Variants in N4BP2L1 observed in about 807,000 individuals in gnomAD.
The protein encoded by N4BP2L1 is NEDD4 binding protein 2 like 1.
Under a neutral mutation model 21.2 loss-of-function variants are expected in N4BP2L1, and 12 were observed. That is an observed-to-expected ratio of 0.57 (90% CI 0.36 to 0.92). N4BP2L1 has a LOEUF of 0.92. Among genes scored for constraint, N4BP2L1 ranks in the 40% least tolerant of loss-of-function variants. The pLI is 0.01. For missense variants in N4BP2L1, 259 were observed against 310.6 expected (o/e 0.83, Z 1.25); for synonymous variants, 104 against 112.8 (o/e 0.92, Z 0.49).
chr13:32,406,949 C>T (rs2073550944), intron 3 of N4BP2L1: 2 of 389,050 alleles, frequency 5.1e-6, no homozygotes, highest in South Asian at 2.5e-5. Context: ...GTGGGTGCTT[C>T]TCTGTATGCC....
At chr13:32,407,520 T>C in intron 2 of N4BP2L1, 125 bp downstream of exon 2, 5 of 1,592,668 alleles carry the variant, frequency 3.1e-6, no homozygotes, top group Non-Finnish European at 4.3e-6. Flanking sequence ...TCTGGTGTTC[T>C]GTTTTGGGGG....
rs2073225343 is a variant in N4BP2L1, at chr13:32,402,882, T to C, written c.*60A>G. On this transcript the variant is annotated 3_prime_UTR_variant, in exon 5 of 5. Transcript: ENST00000380130. ...GCTCTGACTAAAATGCAACAAAAAA[T>C]AACAAAAACTGAAGTAGAAACTGAC... The C allele has an allele frequency of 1.3e-6, 2 of 1,508,262 alleles. No homozygotes were observed. Among genetic ancestry groups the C allele is most frequent in the Non-Finnish European group, 8.9e-7 (1 of 1,128,806 alleles). The allele number at this position is 1,508,262 out of a possible 1,614,324, so 93.4% of individuals were successfully genotyped here.
chr13:32,428,026 C>A lies in N4BP2L1; in HGVS notation c.57G>T (p.Gln19His). 6.4e-7 allele frequency: 1 copy of A among 1,557,400 alleles called. No individual in the cohort carries two copies. The highest frequency in any genetic ancestry group is 8.7e-7 in the Non-Finnish European group (1 of 1,153,856). Reference sequence around the variant, plus strand: ...GCCGGGGCGGCCGCTGCCGCTGCTGCTGCTGCTGGGGCTGGAGGCTCAGCC... The same window carrying A: ...GCCGGGGCGGCCGCTGCCGCTGCTGATGCTGCTGGGGCTGGAGGCTCAGCC... ...FGRLSLQPQQ[Q>H]QQRQRPPRPP... The change falls in exon 1 of 5, where the codon CAG becomes CAT. Residue 19 changes from glutamine (Q) to histidine (H), a missense_variant. By Grantham distance (24) the Gln-to-His change is conservative. Transcript: ENST00000380130.
chr13:32,423,763 T>C (rs1291511137), intron 1 of N4BP2L1, among the ~76,000 whole-genome samples: 1 of 152,216 alleles, frequency 6.6e-6, no homozygotes, highest in African/African-American at 2.4e-5. Flanking sequence ...GCTGAGAGGT[T>C]ACCCGGGGTC....
At position 32,402,097 on chromosome 13, in the gene N4BP2L1, C is replaced by T. The variant is rs143277603; in HGVS notation, c.*845G>A. 5.7e-5 allele frequency: 56 copies of T among 985,220 alleles called. No individual in the cohort carries two copies. The highest frequency in any genetic ancestry group is 2.3e-4 in the East Asian group (2 of 8,816). The allele number at this position is 985,220 out of a possible 1,614,324, so 61.0% of individuals were successfully genotyped here. ...TTGCACTCCCAAACATTTGAGCTGCCGACTAATTACACATGTTAATAGGCA... is the reference window on the plus strand; with the variant it reads ...TTGCACTCCCAAACATTTGAGCTGCTGACTAATTACACATGTTAATAGGCA... On this transcript the variant is annotated 3_prime_UTR_variant, in exon 5 of 5. Transcript: ENST00000380130.
intron 1 of N4BP2L1, among the ~76,000 whole-genome samples, chr13:32,412,644 A>C (rs74577565): frequency 1.7e-4 from 25 of 150,618 alleles, no homozygotes; most frequent in Admixed American, 1.3e-4. Context: ...ACTGTCTCAA[A>C]AAAAAAAAAA....
rs1398814468 is a variant in N4BP2L1 at position 32,402,769 on chromosome 13, A to T, written c.*173T>A. On this transcript the variant is annotated 3_prime_UTR_variant, in exon 5 of 5. Transcript: ENST00000380130. ...TCCCAGCATCAGACCATGCATATAGAAGCACTTTAACAAATTTTGGTGAAG... is the reference window on the plus strand; with the variant it reads ...TCCCAGCATCAGACCATGCATATAGTAGCACTTTAACAAATTTTGGTGAAG... 7.1e-7 allele frequency: 1 copy of T among 1,398,928 alleles called. No homozygotes were observed. The highest frequency in any genetic ancestry group is 1.8e-5 in the South Asian group (1 of 56,562). 86.7% of individuals were successfully genotyped at this position (1,398,928 alleles called of 1,614,324 possible).
At chr13:32,405,328 G>A (rs528388128) in intron 3 of N4BP2L1, among the ~76,000 whole-genome samples, 6 of 152,192 alleles carry the variant, frequency 3.9e-5, no homozygotes, top group South Asian at 4.2e-4. Context: ...TGGCCACCAC[G>A]GCAAATCCCC....
In N4BP2L1 at chr13:32,401,750, C is replaced by T. The variant is rs1453699853; in HGVS notation, c.*1192G>A. On this transcript the variant is annotated 3_prime_UTR_variant, in exon 5 of 5. Transcript: ENST00000380130. ...ATCCATATAAATGTGATACCATTTA[C>T]AATTTTTAATAACCATAAAAGCACC... 3.1e-5 allele frequency: 6 copies of T among 195,920 alleles called. No homozygotes were observed. Among genetic ancestry groups the T allele is most frequent in the Non-Finnish European group, 4.6e-5 (5 of 107,794 alleles). 12.1% of individuals were successfully genotyped at this position (195,920 alleles called of 1,614,324 possible).
intron 1 of N4BP2L1, among the ~76,000 whole-genome samples, chr13:32,427,694 G>T (rs886703183): frequency 6.6e-6 from 1 of 152,082 alleles, no homozygotes; most frequent in African/African-American, 2.4e-5. Flanking sequence ...GGCGCCAGGG[G>T]TGGCAACGGC....
At chr13:32,412,545 T>A (rs2073916197) in intron 1 of N4BP2L1, among the ~76,000 whole-genome samples, 1 of 151,094 alleles carries the variant, frequency 6.6e-6, no homozygotes, top group Non-Finnish European at 1.5e-5. Context: ...GAGAATCACT[T>A]GAACCCAGGA....
In N4BP2L1 at chr13:32,401,847, C is replaced by T. The variant is rs1047472841; in HGVS notation, c.*1095G>A. On this transcript the variant is annotated 3_prime_UTR_variant, in exon 5 of 5. Transcript: ENST00000380130. ...AGCTGTTGGCCAACAAGAAATAGAG[C>T]ATACGTCCTCTGTGGTCTTGTCTAT... 4.5e-5 allele frequency: 36 copies of T among 800,014 alleles called. No homozygotes were observed. The African/African-American group carries it at 5.6e-4, about 12-fold the overall frequency. 49.6% of individuals were successfully genotyped at this position (800,014 alleles called of 1,614,324 possible). A position where few individuals can be genotyped will look rare whatever the true frequency, so the allele number is the denominator to read the frequency against.
At chr13:32,414,822 C>T (rs1372659545) in intron 1 of N4BP2L1, among the ~76,000 whole-genome samples, 3 of 152,146 alleles carry the variant, frequency 2.0e-5, no homozygotes, top group African/African-American at 4.8e-5. Flanking sequence ...TGTGGGGCTG[C>T]CAGAACCTTA....
At position 32,402,863 on chromosome 13, in the gene N4BP2L1, A is replaced by G; in HGVS notation, c.*79T>C. 1 of 1,504,462 alleles carries G rather than the reference A, an allele frequency of 6.6e-7. No homozygotes were observed. The highest frequency in any genetic ancestry group is 8.9e-7 in the Non-Finnish European group (1 of 1,126,344). 93.2% of individuals were successfully genotyped at this position (1,504,462 alleles called of 1,614,324 possible). A position where few individuals can be genotyped will look rare whatever the true frequency, so the allele number is the denominator to read the frequency against. ...TATTTACACTGGAATTGGAGCTCTG[A>G]CTAAAATGCAACAAAAAATAACAAA... On this transcript the variant is annotated 3_prime_UTR_variant, in exon 5 of 5. Coordinates refer to ENST00000380130, the MANE Select transcript of N4BP2L1 (RefSeq NM_052818.3).
chr13:32,418,837 C>T (rs1034311277), intron 1 of N4BP2L1, among the ~76,000 whole-genome samples: 1 of 152,176 alleles, frequency 6.6e-6, no homozygotes, highest in Non-Finnish European at 1.5e-5. Flanking sequence ...GGGCCTATAG[C>T]CTTTTTGTTT....
At chr13:32,428,963 A>G (rs1288400963), upstream of N4BP2L1, among the ~76,000 whole-genome samples, 1 of 152,248 alleles carries the variant, frequency 6.6e-6, no homozygotes, top group African/African-American at 2.4e-5. Context: ...CACCCTCAAG[A>G]GCGTGACAGA....
chr13:32,411,364 A>G (rs1297208465), intron 1 of N4BP2L1, among the ~76,000 whole-genome samples: 1 of 150,544 alleles, frequency 6.6e-6, no homozygotes, highest in Non-Finnish European at 1.5e-5. Flanking sequence ...ATCTTCCTGA[A>G]TGACTTCAAA....
intron 1 of N4BP2L1, among the ~76,000 whole-genome samples, chr13:32,416,238 A>G (rs529600916): frequency 1.3e-5 from 2 of 152,290 alleles, no homozygotes; most frequent in African/African-American, 4.8e-5. Flanking sequence ...GAGGCTTTAC[A>G]TTTTTTACGT....
intron 1 of N4BP2L1, chr13:32,415,923 A>G (rs969690112): frequency 1.3e-5 from 2 of 152,210 alleles, no homozygotes; most frequent in African/African-American, 2.4e-5. Flanking sequence ...CTAAATTAAC[A>G]TACGGTTTCC....
Sources: gnomAD v4.1 joint callset for allele counts (sites outside exome capture counted in the v4.1 genomes callset) on GRCh38, gnomAD v4.1.1 for gene constraint, MANE v1.5 for transcripts, NCBI Gene and HGNC (gene_info 2026-07-23, HGNC 2026-07-21) for gene names.